The following BEND7 variants were observed in gnomAD, a reference collection of about 807,000 sequenced individuals.
BEND7 encodes BEN domain containing 7.
In BEND7, 28 loss-of-function variants were observed where a neutral mutation model predicts 50.9. The ratio of observed to expected loss-of-function variants is 0.55; its 90% confidence interval spans 0.41 to 0.75. The LOEUF (loss-of-function observed/expected upper bound fraction) is 0.75. BEND7 is among the 30% of genes least tolerant of loss of function. The probability of loss-of-function intolerance (pLI) is 0.00; values close to 1 mark genes in which losing one functional copy is unlikely to be tolerated. For synonymous variants in BEND7, 170 were observed against 183.9 expected, an observed-to-expected ratio of 0.92 and a Z score of 0.61; for missense variants, 477 against 491.3, an observed-to-expected ratio of 0.97 and a Z score of 0.28.
chr10:13,493,380 C>A (rs1463891390), intron 4 of BEND7, among the ~76,000 whole-genome samples: 1 of 152,168 alleles, frequency 6.6e-6, no homozygotes, highest in African/African-American at 2.4e-5. Context: ...TCAAAAGAAG[C>A]CGTCTGGGAT....
At chr10:13,518,553 C>T (rs1031412437) in intron 2 of BEND7, among the ~76,000 whole-genome samples, 4 of 152,156 alleles carry the variant, frequency 2.6e-5, no homozygotes, top group Admixed American at 2.6e-4. Flanking sequence ...AAAGCTGTAC[C>T]TGTGTTAGAG....
chr10:13,486,432 G>A (rs1229986938), intron 5 of BEND7, among the ~76,000 whole-genome samples: 2 of 152,230 alleles, frequency 1.3e-5, no homozygotes, highest in Non-Finnish European at 2.9e-5. Flanking sequence ...CTGTTGAGCA[G>A]CTCAGAACAG....
At chr10:13,467,784 A>C (rs2074398756) in intron 6 of BEND7, among the ~76,000 whole-genome samples, 2 of 151,998 alleles carry the variant, frequency 1.3e-5, no homozygotes, top group Non-Finnish European at 2.9e-5. Flanking sequence ...GATTTTTAAG[A>C]AACCTGTGGG....
At chr10:13,504,082 G>A (rs1277178374) in intron 2 of BEND7, among the ~76,000 whole-genome samples, 2 of 152,204 alleles carry the variant, frequency 1.3e-5, no homozygotes, top group Non-Finnish European at 2.9e-5. Context: ...AGGTGGGGCA[G>A]AGGATCAGAA....
chr10:13,521,921 T>C lies in BEND7; in HGVS notation c.145+4217A>G, dbSNP rs527814035. ...GAGGAATTGTTCGAGTGTGTCCTCT[T>C]TGGGGAGATTCTGGGGACTCTAGTG... On this transcript the variant is annotated intron_variant, in intron 2 of 8. Coordinates refer to ENST00000466271, the MANE Select transcript of BEND7 (RefSeq NM_001369863.1). 4.3e-4 allele frequency among the ~76,000 whole-genome samples: 65 copies of C among 152,238 alleles called. 1 individual carries two copies. The highest frequency in any genetic ancestry group is 1.5e-3 in the African/African-American group (64 of 41,546).
At chr10:13,514,394 G>A (rs1190137380) in intron 2 of BEND7, among the ~76,000 whole-genome samples, 3 of 152,280 alleles carry the variant, frequency 2.0e-5, no homozygotes, top group East Asian at 1.9e-4. Flanking sequence ...AGTGTGCAGC[G>A]GGGTGGCAAG....
chr10:13,500,674 C>T (rs2077376376), intron 2 of BEND7: 9 of 985,806 alleles, frequency 9.1e-6, no homozygotes, highest in Non-Finnish European at 9.6e-6. Flanking sequence ...CCGCTGGAGA[C>T]ATCACCTTCA....
At chr10:13,451,042 A>C (rs1588645660) in intron 7 of BEND7, among the ~76,000 whole-genome samples, 1 of 152,164 alleles carries the variant, frequency 6.6e-6, no homozygotes, top group Non-Finnish European at 1.5e-5. Context: ...TGACAATAGA[A>C]GGAAACTAAG....
intron 6 of BEND7, among the ~76,000 whole-genome samples, chr10:13,460,278 C>T (rs577093401): frequency 6.6e-6 from 1 of 152,272 alleles, no homozygotes; most frequent in South Asian, 2.1e-4. Flanking sequence ...GAGAGGGATG[C>T]AGAGTCCAGG....
At chr10:13,479,547 T>G (rs1005731861) in intron 6 of BEND7, among the ~76,000 whole-genome samples, 2 of 152,186 alleles carry the variant, frequency 1.3e-5, no homozygotes, top group Non-Finnish European at 2.9e-5. Flanking sequence ...CTCGCTGCAT[T>G]TCAGAAAAGC....
At chr10:13,462,699 T>C (rs1840455586) in intron 6 of BEND7, among the ~76,000 whole-genome samples, 1 of 152,042 alleles carries the variant, frequency 6.6e-6, no homozygotes, top group Admixed American at 6.6e-5. Context: ...CAGTAAACAC[T>C]AATAGATGTT....
At chr10:13,486,047 T>C (rs534549449) in intron 5 of BEND7, among the ~76,000 whole-genome samples, 66 of 152,224 alleles carry the variant, frequency 4.3e-4, no homozygotes, top group Middle Eastern at 3.4e-3. Context: ...TTAATTTAAA[T>C]AAAAATTTTT....
At chr10:13,503,821 C>T (rs529301715) in intron 2 of BEND7, among the ~76,000 whole-genome samples, 23 of 152,264 alleles carry the variant, frequency 1.5e-4, no homozygotes, top group African/African-American at 4.1e-4. Context: ...AGCTGAGAGT[C>T]GGCAGGGAAG....
At position 13,500,130 on chromosome 10, in the gene BEND7, A is replaced by G. The variant is rs74122776; in HGVS notation, c.146-50T>C. 5.8e-3 allele frequency: 7,930 copies of G among 1,373,208 alleles called. 392 individuals carry two copies. In the African/African-American group the frequency reaches 0.1, roughly 17 times the overall value. The allele number at this position is 1,373,208 out of a possible 1,614,324, so 85.1% of individuals were successfully genotyped here. A position where few individuals can be genotyped will look rare whatever the true frequency, so the allele number is the denominator to read the frequency against. On this transcript the variant is annotated intron_variant, in intron 2 of 8. Transcript: ENST00000466271. ...GCACTCTAAATTAGTGAAAGAGAAA[A>G]CAGTTCACTAACCAAAAAGAAGAGA...
intron 1 of BEND7, among the ~76,000 whole-genome samples, chr10:13,526,861 TAAAAGA>T (rs1421645225): frequency 7.2e-5 from 11 of 152,104 alleles, no homozygotes; most frequent in Middle Eastern, 3.4e-3. Context: ...GACCTATAAT[TAAAAGA>T]AAAAGAAAAA....
chr10:13,461,012 A>G (rs1157756611), intron 6 of BEND7, among the ~76,000 whole-genome samples: 1 of 152,190 alleles, frequency 6.6e-6, no homozygotes, highest in Admixed American at 6.5e-5. Context: ...CAAACCTGCA[A>G]TTACACACGC....
chr10:13,486,411 C>T (rs1339850217), intron 5 of BEND7, among the ~76,000 whole-genome samples: 1 of 152,194 alleles, frequency 6.6e-6, no homozygotes, highest in African/African-American at 2.4e-5. Context: ...TGCTCACCAG[C>T]ATGGCTGTTC....
intron 2 of BEND7, among the ~76,000 whole-genome samples, chr10:13,501,467 C>T (rs886202155): frequency 2.0e-5 from 3 of 151,152 alleles, no homozygotes; most frequent in African/African-American, 7.3e-5. Flanking sequence ...ATTTCAAACA[C>T]ACTATCTTCT....
rs577404073 is a variant in BEND7, at chr10:13,527,314, A to G, written c.62-1093T>C. Among the ~76,000 whole-genome samples, 116 of 152,366 alleles carry G rather than the reference A, an allele frequency of 7.6e-4. 1 individual carries two copies. In the South Asian group the frequency reaches 0.023, roughly 30 times the overall value. The stretch of plus-strand genomic sequence containing the variant: ...GGCCTCTTTCATTAAACAGTATCCA[A>G]ACTAAATTAGGGGAGGCAGATAAGA... On this transcript the variant is annotated intron_variant, in intron 1 of 8. Transcript: ENST00000466271.
Sources: allele counts gnomAD v4.1 joint callset (sites outside exome capture counted in the v4.1 genomes callset), GRCh38; gene constraint gnomAD v4.1.1; transcripts MANE v1.5; gene names NCBI Gene and HGNC (gene_info 2026-07-23, HGNC 2026-07-21).